Variants in NBPF9 observed in about 807,000 individuals in gnomAD.
NBPF9 encodes the protein NBPF member 9, also known as NBPF family member NBPF9.
NBPF9 carries 91 observed loss-of-function variants against 97.8 expected under a neutral mutation model. The observed-to-expected ratio is 0.93, with a 90% CI of 0.79 to 1.11. The LOEUF (loss-of-function observed/expected upper bound fraction) is 1.11, where lower values mean the gene tolerates loss of function less well. NBPF9 is among the 50% of genes least tolerant of loss of function. The pLI, the probability that NBPF9 is intolerant of heterozygous loss-of-function variation, is 0.00. For missense variants in NBPF9, 992 were observed against 939.5 expected, an observed-to-expected ratio of 1.06 and a Z score of -0.73; for synonymous variants, 334 against 359.5, an observed-to-expected ratio of 0.93 and a Z score of 0.80.
exon 30 of NBPF9, chr1:149,055,277 G>T: frequency 5.3e-6 from 2 of 376,424 alleles, no homozygotes; most frequent in South Asian, 2.8e-5. Flanking sequence ...TGAAACCAGG[G>T]TAACACCTTT....
intron 27 of NBPF9, 37 bp downstream of exon 27, chr1:149,058,127 T>G: frequency 1.7e-6 from 1 of 603,158 alleles, no homozygotes; most frequent in Admixed American, 2.1e-5. Flanking sequence ...TCTCCAGATG[T>G]CAACACAGAA....
chr1:149,072,601 C>T (rs587659585), intron 14 of NBPF9, 117 bp downstream of exon 14: 9 of 1,443,992 alleles, frequency 6.2e-6, no homozygotes, highest in African/African-American at 5.6e-5. Context: ...ATGTCATGGC[C>T]ACATAAGCTT....
chr1:149,079,522 C>T (rs878984929), intron 8 of NBPF9, among the ~76,000 whole-genome samples: 8,776 of 150,064 alleles, frequency 0.058, 703 homozygotes, highest in East Asian at 0.44. Flanking sequence ...GTTCCTCACT[C>T]TGGCCATGGA....
intron 5 of NBPF9, among the ~76,000 whole-genome samples, chr1:149,086,497 T>A (rs367851470): frequency 0.055 from 8,240 of 149,088 alleles, 337 homozygotes; most frequent in East Asian, 0.41. Context: ...GAAGGGACTC[T>A]CCAAACCTCT....
At chr1:149,081,901 G>C in intron 7 of NBPF9, 64 bp downstream of exon 7, 1 of 1,090,466 alleles carries the variant, frequency 9.2e-7, no homozygotes, top group Non-Finnish European at 1.4e-6. Context: ...AGAGCATTTA[G>C]TGTCTCAGAG....
intron 12 of NBPF9, 150 bp from the exon 13 acceptor site, chr1:149,074,020 G>A: frequency 1.7e-6 from 1 of 593,164 alleles, no homozygotes; most frequent in Non-Finnish European, 3.0e-6. Flanking sequence ...TTACTCTTCA[G>A]TCTCCTGACT....
At chr1:149,054,695 C>G (rs1461274728) in exon 30 of NBPF9, 328 of 145,388 alleles carry the variant, frequency 2.3e-3, no homozygotes, top group African/African-American at 8.0e-3. Context: ...ATGACAACAA[C>G]AAAAAGATGA....
chr1:149,084,277 T>A (rs1436556939), intron 5 of NBPF9, among the ~76,000 whole-genome samples: 18 of 146,958 alleles, frequency 1.2e-4, no homozygotes, highest in East Asian at 2.0e-4. Flanking sequence ...TGTATATATA[T>A]TATATATACA....
At chr1:149,072,972 G>T (rs2079540387) in intron 13 of NBPF9, 40 bp from the exon 14 acceptor site, 6 of 1,593,594 alleles carry the variant, frequency 3.8e-6, no homozygotes, top group Non-Finnish European at 5.2e-6. Flanking sequence ...AGTGGAAAGG[G>T]TTGAGTGATC....
rs2079249184 is a variant in NBPF9, at chr1:149,069,640, CA to C, written c.1590del (p.Asn530LysfsTer59). The C allele has an allele frequency of 1.3e-6, 1 of 759,092 alleles. No homozygotes were observed. Among genetic ancestry groups the C allele is most frequent in the Admixed American group, 1.7e-5 (1 of 58,134 alleles). The allele number at this position is 759,092 out of a possible 1,614,324, so 47.0% of individuals were successfully genotyped here. Reference sequence around the variant, plus strand: ...TCTTCCTCTTCCTCATCATCACTTTCATTTTCTGTAAATAAATTCAGAGAAG... The same window carrying C: ...TCTTCCTCTTCCTCATCATCACTTTCTTTTCTGTAAATAAATTCAGAGAAG... On this transcript the variant is annotated frameshift_variant, in exon 17 of 30. Transcript: ENST00000584027. LOFTEE classifies it high-confidence loss of function.
At chr1:149,073,812 C>T (rs1258095260) in exon 13 of NBPF9, 3 of 1,545,848 alleles carry the variant, frequency 1.9e-6, no homozygotes, top group East Asian at 2.4e-5. Flanking sequence ...GCTTCTCCTC[C>T]TTGAACTGTC....
chr1:149,070,360 A>G (rs2079304407), intron 16 of NBPF9, among the ~76,000 whole-genome samples: 2 of 149,844 alleles, frequency 1.3e-5, no homozygotes, highest in Non-Finnish European at 3.0e-5. Context: ...CGATGCTACA[A>G]AGAAACATTG....
intron 3 of NBPF9, among the ~76,000 whole-genome samples, chr1:149,099,211 T>A (rs1278697414): frequency 6.6e-6 from 1 of 152,262 alleles, no homozygotes; most frequent in Non-Finnish European, 1.5e-5. Flanking sequence ...TGGAATCTCA[T>A]CTACTGGTCT....
chr1:149,073,343 C>T lies in NBPF9; in HGVS notation c.1092-411G>A, dbSNP rs113328635. Reference sequence around the variant, plus strand: ...GGGCAGATGGGGCGAATTGAAAAGACGAAAGAAGAAAAGAATGACAGGGTC... The same window carrying T: ...GGGCAGATGGGGCGAATTGAAAAGATGAAAGAAGAAAAGAATGACAGGGTC... On this transcript the variant is annotated intron_variant, in intron 13 of 29. Coordinates refer to ENST00000584027, the Ensembl canonical transcript of NBPF9. Among the ~76,000 whole-genome samples, 20 of 138,852 alleles carry T rather than the reference C, an allele frequency of 1.4e-4. 1 individual carries two copies. Among genetic ancestry groups the T allele is most frequent in the African/African-American group, 2.2e-4 (8 of 36,358 alleles). 91.1% of individuals were successfully genotyped at this position (138,852 alleles called of 152,430 possible). A position where few individuals can be genotyped will look rare whatever the true frequency, so the allele number is the denominator to read the frequency against.
At chr1:149,070,803 C>G (rs587605852) in intron 16 of NBPF9, 131 bp downstream of exon 16, 9 of 1,491,498 alleles carry the variant, frequency 6.0e-6, no homozygotes, top group Middle Eastern at 2.4e-4. Flanking sequence ...GGACAAAAAA[C>G]TCCCTGATAT....
chr1:149,076,957 C>T (rs1321301090), intron 11 of NBPF9, among the ~76,000 whole-genome samples: 1 of 151,150 alleles, frequency 6.6e-6, no homozygotes, highest in Non-Finnish European at 1.5e-5. Context: ...ACCATGCCTG[C>T]CTAATTTTTT....
intron 26 of NBPF9, chr1:149,058,721 C>T (rs1553649581): frequency 2.3e-6 from 1 of 431,164 alleles, no homozygotes; most frequent in South Asian, 2.0e-5. Flanking sequence ...TGGCTGGAGA[C>T]TAGGAATAGA....
chr1:149,097,051 A>T (rs2081814011), intron 4 of NBPF9, among the ~76,000 whole-genome samples: 1 of 146,918 alleles, frequency 6.8e-6, no homozygotes, highest in Non-Finnish European at 1.5e-5. Context: ...AAAGGAAAGA[A>T]TGGAGGGAGG....
At chr1:149,056,066 G>A (rs1553648882) in intron 29 of NBPF9, among the ~76,000 whole-genome samples, 167 bp from the exon 30 acceptor site, 3 of 151,898 alleles carry the variant, frequency 2.0e-5, no homozygotes, top group Non-Finnish European at 1.5e-5. Flanking sequence ...ATAGAACAGG[G>A]CCAGGTAGAA....
Sources: gnomAD v4.1 joint callset for allele counts (sites outside exome capture counted in the v4.1 genomes callset) on GRCh38, gnomAD v4.1.1 for gene constraint, MANE v1.5 for transcripts, NCBI Gene and HGNC (gene_info 2026-07-23, HGNC 2026-07-21) for gene names.